NXN: variants seen among roughly 807,000 people sequenced by gnomAD.
NXN encodes the protein nucleoredoxin 1.
Under a neutral mutation model 48.6 loss-of-function variants are expected in NXN, and 16 were observed. That is an observed-to-expected ratio of 0.33 (90% CI 0.22 to 0.50). NXN has a LOEUF of 0.50. Among genes scored for constraint, NXN ranks in the 20% least tolerant of loss-of-function variants. The probability of loss-of-function intolerance (pLI) is 0.98; values close to 1 mark genes in which losing one functional copy is unlikely to be tolerated. For synonymous variants in NXN, 281 were observed against 269.6 expected (o/e 1.04, Z -0.41); for missense variants, 492 against 605.5 (o/e 0.81, Z 1.97).
rs969307060 is a variant in NXN, at chr17:841,474, G to C, written c.361-15396C>G. 1.5e-3 allele frequency among the ~76,000 whole-genome samples: 174 copies of C among 115,140 alleles called. 2 individuals carry two copies. The highest frequency in any genetic ancestry group is 3.3e-3 in the African/African-American group (100 of 30,668). The allele number at this position is 115,140 out of a possible 152,430, so 75.5% of individuals were successfully genotyped here. Reference sequence around the variant, plus strand: ...TGACCACGGCGCATCTCACACGGGCGAGCAGGTCCCCCCTGACCACGGCGC... The same window carrying C: ...TGACCACGGCGCATCTCACACGGGCCAGCAGGTCCCCCCTGACCACGGCGC... On this transcript the variant is annotated intron_variant, in intron 1 of 7. Coordinates refer to ENST00000336868, the MANE Select transcript of NXN (RefSeq NM_022463.5).
At position 920,675 on chromosome 17, in the gene NXN, C is replaced by G. The variant is rs1000932621; in HGVS notation, c.360+58644G>C. On this transcript the variant is annotated intron_variant, in intron 1 of 7. Transcript: ENST00000336868. This position sits in a 1 kb window ranked among gnomAD's most constrained non-coding sequence, Gnocchi z 4.6. Reference sequence around the variant, plus strand: ...TGAGGTCTTCATTCATACCGCCTTGCCAATCGCCCTCAAAATCACCTGGAA... The same window carrying G: ...TGAGGTCTTCATTCATACCGCCTTGGCAATCGCCCTCAAAATCACCTGGAA... Among the ~76,000 whole-genome samples the G allele has an allele frequency of 6.6e-6, 1 of 152,034 alleles. No homozygotes were observed. The highest frequency in any genetic ancestry group is 1.5e-5 in the Non-Finnish European group (1 of 67,998).
chr17:829,535 T>C (rs943620401), intron 1 of NXN, among the ~76,000 whole-genome samples: 1 of 151,404 alleles, frequency 6.6e-6, no homozygotes, highest in Non-Finnish European at 1.5e-5. Flanking sequence ...ACATGTGCCA[T>C]GGTAGTTTGC....
At chr17:837,767 G>A (rs1012975378) in intron 1 of NXN, among the ~76,000 whole-genome samples, 40 of 152,190 alleles carry the variant, frequency 2.6e-4, no homozygotes, top group African/African-American at 7.5e-4. Context: ...AGACCAGCCC[G>A]TGTGACCAAG....
At chr17:875,471 G>C (rs888381988) in intron 1 of NXN, among the ~76,000 whole-genome samples, 2 of 152,180 alleles carry the variant, frequency 1.3e-5, no homozygotes, top group Non-Finnish European at 2.9e-5. Flanking sequence ...TCATAAATCA[G>C]AGAGAATTCA....
At chr17:824,986 T>G (rs965699128) in intron 2 of NXN, among the ~76,000 whole-genome samples, 1 of 152,084 alleles carries the variant, frequency 6.6e-6, no homozygotes, top group African/African-American at 2.4e-5. Context: ...TCCCAGCACT[T>G]TGGGAGGCCG....
At chr17:972,487 G>GA (rs901892399) in intron 1 of NXN, among the ~76,000 whole-genome samples, 7 of 151,708 alleles carry the variant, frequency 4.6e-5, no homozygotes, top group African/African-American at 1.5e-4. Flanking sequence ...AAAAGAAAAA[G>GA]AAAAAAAGGA....
In NXN at chr17:978,642, G is replaced by A. The variant is rs1417933151; in HGVS notation, c.360+677C>T. The stretch of plus-strand genomic sequence containing the variant: ...GCCGCGAACTCAGCCTGGGGCGGGG[G>A]AGGCGGGGGCGGGAGACGGAGCCGT... On this transcript the variant is annotated intron_variant, in intron 1 of 7. Transcript: ENST00000336868. This position sits in a 1 kb window ranked among gnomAD's most constrained non-coding sequence, Gnocchi z 4.1. 1 of 152,290 alleles carries A rather than the reference G, an allele frequency of 6.6e-6. No individual in the cohort carries two copies. The highest frequency in any genetic ancestry group is 2.1e-4 in the South Asian group (1 of 4,850). The allele number at this position is 152,290 out of a possible 1,614,324, so 9.4% of individuals were successfully genotyped here. A position where few individuals can be genotyped will look rare whatever the true frequency, so the allele number is the denominator to read the frequency against.
At chr17:884,355 T>C (rs182297566) in intron 1 of NXN, among the ~76,000 whole-genome samples, 7 of 150,986 alleles carry the variant, frequency 4.6e-5, no homozygotes, top group African/African-American at 1.7e-4. Context: ...CAGTGAGCTA[T>C]GACTGCACCA....
At chr17:834,315 C>T (rs1017355884) in intron 1 of NXN, among the ~76,000 whole-genome samples, 1 of 152,180 alleles carries the variant, frequency 6.6e-6, no homozygotes, top group Non-Finnish European at 1.5e-5. Context: ...GGGCAAGACC[C>T]TGTCTCAAAA....
At chr17:972,814 G>A (rs558419072) in intron 1 of NXN, among the ~76,000 whole-genome samples, 1 of 152,138 alleles carries the variant, frequency 6.6e-6, no homozygotes, top group African/African-American at 2.4e-5. Context: ...GGTGGATCAC[G>A]AGGTCAGGAG....
At position 979,501 on chromosome 17, in the gene NXN, G is replaced by A. The variant is rs2069512079; in HGVS notation, c.178C>T (p.Leu60=). The A allele has an allele frequency of 3.3e-6, 4 of 1,222,346 alleles. No homozygotes were observed. The highest frequency in any genetic ancestry group is 3.2e-5 in the African/African-American group (2 of 62,870). The allele number at this position is 1,222,346 out of a possible 1,614,324, so 75.7% of individuals were successfully genotyped here. A position where few individuals can be genotyped will look rare whatever the true frequency, so the allele number is the denominator to read the frequency against. ...SASLAAFYGR[L]RGDAAAGPGP... Reference sequence around the variant, plus strand: ...GGCCCGGCCGCCGCGTCCCCCCGCAGGCGCCCGTAGAAGGCGGCCAGGCTG... The same window carrying A: ...GGCCCGGCCGCCGCGTCCCCCCGCAAGCGCCCGTAGAAGGCGGCCAGGCTG... Residue 60 remains leucine (L), a synonymous_variant, in exon 1 of 8, where the codon CTG becomes TTG. Transcript: ENST00000336868.
chr17:940,291 G>A (rs185113956), intron 1 of NXN, among the ~76,000 whole-genome samples: 26 of 149,660 alleles, frequency 1.7e-4, no homozygotes, highest in South Asian at 1.1e-3. Context: ...ATAGGGTTTC[G>A]CTATGTTGCC....
chr17:884,820 C>T, intron 1 of NXN, among the ~76,000 whole-genome samples: 1 of 152,168 alleles, frequency 6.6e-6, no homozygotes, highest in East Asian at 1.9e-4. Context: ...CTCTGGATGT[C>T]CCGATAAAAC....
chr17:852,248 C>T (rs2067931508), intron 1 of NXN, among the ~76,000 whole-genome samples: 3 of 152,194 alleles, frequency 2.0e-5, no homozygotes, highest in African/African-American at 7.2e-5. Flanking sequence ...CTCACAAGTC[C>T]CATCAGCGAG....
intron 1 of NXN, among the ~76,000 whole-genome samples, chr17:922,406 T>C (rs2068758334): frequency 6.6e-6 from 1 of 151,850 alleles, no homozygotes; most frequent in Admixed American, 6.6e-5. Flanking sequence ...ATCGTGCCAC[T>C]GCACTCCAGC....
At chr17:912,972 G>A (rs1302255431) in intron 1 of NXN, among the ~76,000 whole-genome samples, 1 of 151,740 alleles carries the variant, frequency 6.6e-6, no homozygotes, top group African/African-American at 2.4e-5. Flanking sequence ...AGAAAGGAAA[G>A]GACGGAAAAA....
Position 839,115 on chromosome 17 carries a change from C to T in NXN, c.361-13037G>A, listed in dbSNP as rs563419991. Among the ~76,000 whole-genome samples the T allele has an allele frequency of 1.6e-3, 241 of 152,266 alleles. 1 individual carries two copies. The highest frequency in any genetic ancestry group is 5.2e-3 in the African/African-American group (217 of 41,558). On this transcript the variant is annotated intron_variant, in intron 1 of 7. Coordinates refer to ENST00000336868, the MANE Select transcript of NXN (RefSeq NM_022463.5). ...TGTGAGAACTGGATTAATGCACGTGCGGTGCTGACAACACTGCTTGGTTCA... is the reference window on the plus strand; with the variant it reads ...TGTGAGAACTGGATTAATGCACGTGTGGTGCTGACAACACTGCTTGGTTCA...
intron 1 of NXN, chr17:911,011 T>G (rs1368110328): frequency 2.0e-5 from 3 of 152,198 alleles, no homozygotes; most frequent in Non-Finnish European, 4.4e-5. Context: ...TTAAAGTATT[T>G]TTTTTGCTGA....
chr17:963,117 C>T (rs2069256898), intron 1 of NXN, among the ~76,000 whole-genome samples: 1 of 149,376 alleles, frequency 6.7e-6, no homozygotes, highest in Non-Finnish European at 1.5e-5. Flanking sequence ...CCACCTGAGA[C>T]AGAAAAAGCA....
Sources: allele counts gnomAD v4.1 joint callset (sites outside exome capture counted in the v4.1 genomes callset), GRCh38; gene constraint gnomAD v4.1.1; non-coding constraint Gnocchi (gnomAD v3.1); transcripts MANE v1.5; gene names NCBI Gene and HGNC (gene_info 2026-07-23, HGNC 2026-07-21).